The following COL6A6 variants were observed in gnomAD, a reference collection of about 807,000 sequenced individuals.
COL6A6 encodes collagen type VI alpha 6 chain.
COL6A6 carries 183 observed loss-of-function variants against 208.6 expected under a neutral mutation model. The ratio of observed to expected loss-of-function variants is 0.88; its 90% CI spans 0.78 to 0.99. COL6A6 has a LOEUF of 0.99. Among genes scored for constraint, COL6A6 ranks in the 50% least tolerant of loss-of-function variants. COL6A6 has a pLI of 0.00. For missense variants in COL6A6, 2,816 were observed against 2,815.2 expected, an observed-to-expected ratio of 1.00 and a Z score of -0.01; for synonymous variants, 973 against 1,011.8, an observed-to-expected ratio of 0.96 and a Z score of 0.73.
At chr3:130,623,103 G>C (rs1219179783) in intron 24 of COL6A6, among the ~76,000 whole-genome samples, 2 of 152,098 alleles carry the variant, frequency 1.3e-5, no homozygotes, top group Non-Finnish European at 2.9e-5. Context: ...CTTTTGAATG[G>C]AGTGGATGAA....
intron 31 of COL6A6, 66 bp downstream of exon 31, chr3:130,643,089 T>TCC (rs2108372285): frequency 6.6e-7 from 1 of 1,523,166 alleles, no homozygotes; most frequent in East Asian, 2.3e-5. Context: ...CAGAGAAACC[T>TCC]ACACTCAGAA....
At chr3:130,546,332 T>G (rs2062495797) in intron 1 of COL6A6, among the ~76,000 whole-genome samples, 1 of 152,102 alleles carries the variant, frequency 6.6e-6, no homozygotes, top group East Asian at 1.9e-4. Context: ...CCGGAGTTGT[T>G]CATTCCTCCC....
At chr3:130,525,112 G>T (rs549426196) in intron 1 of COL6A6, among the ~76,000 whole-genome samples, 1 of 152,248 alleles carries the variant, frequency 6.6e-6, no homozygotes, top group South Asian at 2.1e-4. Flanking sequence ...TTCATCAATT[G>T]CTCAAATCAC....
intron 5 of COL6A6, among the ~76,000 whole-genome samples, chr3:130,567,570 T>C (rs1278140412): frequency 2.0e-5 from 3 of 152,240 alleles, no homozygotes; most frequent in Non-Finnish European, 4.4e-5. Context: ...TGATTTCAGA[T>C]TGTAAGGAGT....
chr3:130,662,946 A>G (rs552456214), intron 35 of COL6A6, among the ~76,000 whole-genome samples: 25 of 152,182 alleles, frequency 1.6e-4, no homozygotes, highest in Non-Finnish European at 3.1e-4. Context: ...TATGCAATCC[A>G]TTTTGAATGC....
At chr3:130,641,739 A>G (rs1206741954) in intron 29 of COL6A6, 25 bp downstream of exon 29, 12 of 1,409,990 alleles carry the variant, frequency 8.5e-6, no homozygotes, top group Non-Finnish European at 1.2e-5. Context: ...TATAAACCAC[A>G]GCAGGTCCTT....
chr3:130,530,913 A>G (rs2062065282), intron 1 of COL6A6, among the ~76,000 whole-genome samples: 1 of 152,050 alleles, frequency 6.6e-6, no homozygotes, highest in African/African-American at 2.4e-5. Flanking sequence ...TGGAATTTCC[A>G]ACTTGTTGGC....
At chr3:130,553,537 C>T (rs1395995488) in intron 1 of COL6A6, among the ~76,000 whole-genome samples, 1 of 152,092 alleles carries the variant, frequency 6.6e-6, no homozygotes, top group Non-Finnish European at 1.5e-5. Context: ...TTTCTTCTTT[C>T]ATCTCCTGTA....
chr3:130,593,079 G>T lies in COL6A6; in HGVS notation c.4390G>T (p.Gly1464Ter). ...NGQEGEVGENGIDGLNGEQGD... is the reference protein window; with the variant it reads ...NGQEGEVGEN ...TTTTCAGGGAGAAGTTGGGGAAAAT[G>T]GAATTGACGGATTAAACGGAGAACA... is the stretch of plus-strand genomic sequence containing the variant. Residue 1464 changes from glycine to a stop codon, truncating the protein, a stop_gained, in exon 16 of 37, where the codon GGA (glycine) becomes TGA (stop). Coordinates refer to ENST00000358511, the MANE Select transcript of COL6A6 (RefSeq NM_001102608.3). LOFTEE classifies it high-confidence loss of function. 5 of 1,613,618 alleles carry T rather than the reference G, an allele frequency of 3.1e-6. No individual in the cohort carries two copies. Among genetic ancestry groups the T allele is most frequent in the Non-Finnish European group, 4.2e-6 (5 of 1,179,576 alleles).
At chr3:130,672,782 G>A (rs553201154) in intron 36 of COL6A6, among the ~76,000 whole-genome samples, 22 of 151,258 alleles carry the variant, frequency 1.5e-4, no homozygotes, top group Admixed American at 4.6e-4. Flanking sequence ...AGGCTGAGTC[G>A]GGTGGATCAG....
intron 11 of COL6A6, among the ~76,000 whole-genome samples, chr3:130,586,886 AG>A (rs2063554815): frequency 1.3e-5 from 2 of 152,168 alleles, no homozygotes; most frequent in African/African-American, 4.8e-5. Flanking sequence ...AAATAGGAGG[AG>A]GAAAGAGGGA....
chr3:130,583,509 G>A (rs6771250), intron 10 of COL6A6, among the ~76,000 whole-genome samples: 37,899 of 152,050 alleles, frequency 0.25, 7,818 homozygotes, highest in African/African-American at 0.55. Flanking sequence ...CTAAGACCAA[G>A]TATCTTTCTT....
At position 130,574,227 on chromosome 3, in the gene COL6A6, C is replaced by T. The variant is rs762769634; in HGVS notation, c.3249C>T (p.Leu1083=). ...IFGNTHIGAA[L]REVEHYFRPD... ...GAAACACACACATCGGTGCTGCACT[C>T]AGGGAGGTGGAACATTACTTCAGGC... The change falls in exon 8 of 37, where the codon CTC becomes CTT. Residue 1083 remains leucine, a synonymous_variant. Transcript: ENST00000358511. 5.1e-5 allele frequency: 83 copies of T among 1,614,004 alleles called. 2 individuals are homozygous for T. In the South Asian group the frequency reaches 9.0e-4, roughly 18 times the overall value.
intron 1 of COL6A6, among the ~76,000 whole-genome samples, chr3:130,541,949 A>C (rs1293067538): frequency 1.3e-5 from 2 of 152,172 alleles, no homozygotes; most frequent in African/African-American, 4.8e-5. Flanking sequence ...GCAGGCATAG[A>C]GTTCTTCATA....
chr3:130,639,388 T>C (rs1158798662), intron 28 of COL6A6, among the ~76,000 whole-genome samples: 3 of 152,190 alleles, frequency 2.0e-5, no homozygotes, highest in East Asian at 3.8e-4. Flanking sequence ...TATTTAAGAA[T>C]TGAAGACAAA....
rs1357520495 is a variant in COL6A6 at position 130,649,528 on chromosome 3, T to G, written c.5699T>G (p.Phe1900Cys). The G allele has an allele frequency of 2.5e-6, 4 of 1,599,700 alleles. No individual in the cohort carries two copies. Among genetic ancestry groups the G allele is most frequent in the Non-Finnish European group, 3.4e-6 (4 of 1,172,522 alleles). ...GAAATCATTCCCGTGGTGATCACTT[T>G]CAGCAACGTGCCCTCGGTCAGGCGC... ...ALEIIPVVITFSNVPSVRRAF... is the reference protein window; with the variant it reads ...ALEIIPVVITCSNVPSVRRAF... Residue 1900 changes from phenylalanine to cysteine, a missense_variant, in exon 33 of 37, where the codon TTC (phenylalanine) becomes TGC (cysteine). Transcript: ENST00000358511.
intron 1 of COL6A6, among the ~76,000 whole-genome samples, chr3:130,537,588 C>T (rs2062255341): frequency 6.6e-6 from 1 of 152,150 alleles, no homozygotes; most frequent in Non-Finnish European, 1.5e-5. Context: ...TTTGCTTTTC[C>T]AAGCCTAAAA....
chr3:130,626,057 A>G (rs1559764881), intron 24 of COL6A6, among the ~76,000 whole-genome samples: 2 of 152,320 alleles, frequency 1.3e-5, no homozygotes, highest in East Asian at 1.9e-4. Context: ...TAGATGTTCT[A>G]CTAGTCAGAA....
chr3:130,646,029 T>C (rs1020882495), intron 32 of COL6A6, among the ~76,000 whole-genome samples: 9 of 152,198 alleles, frequency 5.9e-5, no homozygotes, highest in African/African-American at 1.9e-4. Flanking sequence ...ACTTCCATTC[T>C]TATGGAGGAT....
Sources: gnomAD v4.1 joint callset for allele counts (sites outside exome capture counted in the v4.1 genomes callset) on GRCh38, gnomAD v4.1.1 for gene constraint, MANE v1.5 for transcripts, NCBI Gene and HGNC (gene_info 2026-07-23, HGNC 2026-07-21) for gene names.